DSE: variants seen among roughly 807,000 people sequenced by gnomAD.
DSE encodes dermatan-sulfate epimerase.
In DSE, 36 loss-of-function variants were observed where a neutral mutation model predicts 84.4. That is an observed-to-expected ratio of 0.43 (90% CI 0.33 to 0.56). The LOEUF (loss-of-function observed/expected upper bound fraction) is 0.56. DSE is among the 20% of genes least tolerant of loss of function. The pLI, the probability that DSE is intolerant of heterozygous loss-of-function variation, is 0.06. For missense variants in DSE, 862 were observed against 1,169.6 expected (o/e 0.74, Z 3.84); for synonymous variants, 410 against 430.1 (o/e 0.95, Z 0.58).
upstream of DSE, chr6:116,370,536 AGAG>A (rs1779468342): frequency 7.1e-6 from 7 of 983,964 alleles, no homozygotes; most frequent in Non-Finnish European, 7.2e-6. Context: ...TTCCTCTCGC[AGAG>A]TAGTATGGAA....
At chr6:116,263,476 T>A (rs904691120) in intron 2 of DSE, among the ~76,000 whole-genome samples, 1 of 152,210 alleles carries the variant, frequency 6.6e-6, no homozygotes, top group African/African-American at 2.4e-5. Context: ...TCCATCCCTT[T>A]ATTTTGAGCC....
At chr6:116,408,531 T>A (rs1444727729) in intron 2 of DSE, among the ~76,000 whole-genome samples, 1 of 152,226 alleles carries the variant, frequency 6.6e-6, no homozygotes, top group Non-Finnish European at 1.5e-5. Flanking sequence ...TGGATCTGTA[T>A]ACAACTTTGA....
At chr6:116,271,439 C>A (rs1218805754) in intron 2 of DSE, among the ~76,000 whole-genome samples, 1 of 152,178 alleles carries the variant, frequency 6.6e-6, no homozygotes, top group Non-Finnish European at 1.5e-5. Flanking sequence ...CAGAGAAAAG[C>A]ATCTTGTAAG....
chr6:116,280,050 T>G (rs990115674), intron 2 of DSE: 5 of 662,854 alleles, frequency 7.5e-6, no homozygotes, highest in African/African-American at 1.8e-5. Flanking sequence ...GCTTTATTTC[T>G]GTGAATTTAC....
At position 116,436,673 on chromosome 6, in the gene DSE, G is replaced by A; in HGVS notation, c.2205G>A (p.Val735=). The A allele has an allele frequency of 6.2e-7, 1 of 1,614,148 alleles. No individual in the cohort carries two copies. The part of the protein sequence containing the change: ...SAIKSSIVPE[V]KDYAAIVEQN... The stretch of plus-strand genomic sequence containing the variant: ...TCAAGAGCAGCATTGTCCCTGAGGT[G>A]AAGGACTATGCTGCTATTGTGGAAC... The change falls in exon 6 of 6, where the codon GTG becomes GTA. Residue 735 remains valine (V), a synonymous_variant. Coordinates refer to ENST00000644252, the MANE Select transcript of DSE (RefSeq NM_013352.4).
chr6:116,258,699 C>T (rs764692593), exon 2 of DSE: 1 of 1,606,212 alleles, frequency 6.2e-7, no homozygotes. Context: ...GGGACACGTC[C>T]ACAGCCTGTC....
intron 2 of DSE, among the ~76,000 whole-genome samples, chr6:116,408,821 C>T (rs1043685995): frequency 2.0e-5 from 3 of 152,252 alleles, no homozygotes; most frequent in Admixed American, 6.5e-5. Context: ...CATCTTCTTA[C>T]ATGCATGTAA....
At chr6:116,383,711 T>C (rs886731322) in intron 1 of DSE, among the ~76,000 whole-genome samples, 6 of 152,210 alleles carry the variant, frequency 3.9e-5, no homozygotes, top group African/African-American at 1.4e-4. Context: ...TCCTGGGAGA[T>C]AGATATTTCT....
At chr6:116,359,577 C>G (rs962166081) in intron 2 of DSE, among the ~76,000 whole-genome samples, 1 of 152,078 alleles carries the variant, frequency 6.6e-6, no homozygotes, top group Non-Finnish European at 1.5e-5. Context: ...AGCTTCTTGT[C>G]TAGGTTTAAA....
At chr6:116,283,972 T>G (rs778097971) in intron 2 of DSE, among the ~76,000 whole-genome samples, 2 of 152,236 alleles carry the variant, frequency 1.3e-5, no homozygotes, top group Non-Finnish European at 2.9e-5. Context: ...TGGCTATGCT[T>G]CATATATCAC....
At chr6:116,278,880 G>C (rs751218403) in intron 2 of DSE, 2 of 1,614,138 alleles carry the variant, frequency 1.2e-6, no homozygotes, top group Non-Finnish European at 1.7e-6. Context: ...ACTTGCAACC[G>C]GTTCTAGGGT....
chr6:116,342,281 G>GTTTT (rs34996201), intron 2 of DSE, among the ~76,000 whole-genome samples: 2 of 133,662 alleles, frequency 1.5e-5, no homozygotes, highest in African/African-American at 2.8e-5. Context: ...TATTGTTGCT[G>GTTTT]TTTTTTTTTT....
intron 2 of DSE, among the ~76,000 whole-genome samples, chr6:116,327,094 T>G (rs200813782): frequency 6.6e-6 from 1 of 152,032 alleles, no homozygotes; most frequent in East Asian, 1.9e-4. Flanking sequence ...AATTAAGGGG[T>G]CCAAAGATAC....
intron 2 of DSE, among the ~76,000 whole-genome samples, chr6:116,297,089 A>T (rs990727699): frequency 1.3e-5 from 2 of 152,148 alleles, no homozygotes; most frequent in Non-Finnish European, 2.9e-5. Flanking sequence ...GGCAAAGTAT[A>T]GTGGAGATGT....
intron 2 of DSE, among the ~76,000 whole-genome samples, chr6:116,419,357 C>T (rs1782929894): frequency 6.6e-6 from 1 of 152,164 alleles, no homozygotes; most frequent in Admixed American, 6.5e-5. Flanking sequence ...TGAATCACTA[C>T]TGCATTAGTC....
chr6:116,261,446 G>C (rs892940261), intron 2 of DSE, among the ~76,000 whole-genome samples: 1 of 152,136 alleles, frequency 6.6e-6, no homozygotes, highest in Non-Finnish European at 1.5e-5. Context: ...AGGAATGCTA[G>C]TGATATTTGC....
intron 2 of DSE, among the ~76,000 whole-genome samples, chr6:116,304,005 A>G (rs964952693): frequency 2.6e-5 from 4 of 151,866 alleles, no homozygotes; most frequent in South Asian, 2.1e-4. Context: ...GCATGGTGGC[A>G]GGCGCCCGTA....
intron 2 of DSE, chr6:116,355,720 A>G (rs1778533102): frequency 6.6e-6 from 1 of 152,224 alleles, no homozygotes; most frequent in Admixed American, 6.5e-5. Flanking sequence ...GATTGTGAGC[A>G]ACCAGTCTAC....
chr6:116,419,573 G>A (rs922271740), intron 2 of DSE, among the ~76,000 whole-genome samples: 1 of 152,214 alleles, frequency 6.6e-6, no homozygotes, highest in Non-Finnish European at 1.5e-5. Flanking sequence ...CCAAGTGCAC[G>A]TGGACAGAGG....
Sources: allele counts gnomAD v4.1 joint callset (sites outside exome capture counted in the v4.1 genomes callset), GRCh38; gene constraint gnomAD v4.1.1; transcripts MANE v1.5; gene names NCBI Gene and HGNC (gene_info 2026-07-23, HGNC 2026-07-21).